The following TPH2 variants were observed in gnomAD, a reference collection of about 807,000 sequenced individuals.
TPH2 encodes the protein tryptophan 5-hydroxylase 2.
Under a neutral mutation model 59.1 loss-of-function variants are expected in TPH2, and 27 were observed. The ratio of observed to expected loss-of-function variants is 0.46; its 90% CI spans 0.34 to 0.63. TPH2 has a LOEUF of 0.63. TPH2 is among the 30% of genes least tolerant of loss of function. TPH2 has a pLI of 0.01. For synonymous variants in TPH2, 220 were observed against 210.5 expected (o/e 1.05, Z -0.39); for missense variants, 523 against 588.3 (o/e 0.89, Z 1.15).
intron 8 of TPH2, among the ~76,000 whole-genome samples, chr12:72,013,053 G>A (rs10879351): frequency 0.51 from 76,802 of 151,962 alleles, 19,861 homozygotes; most frequent in Middle Eastern, 0.6. Context: ...GCTGAAAATC[G>A]CCTATGTCGA....
intron 5 of TPH2, among the ~76,000 whole-genome samples, chr12:71,955,751 CTT>C (rs1871477151): frequency 6.6e-6 from 1 of 152,240 alleles, no homozygotes; most frequent in South Asian, 2.1e-4. Flanking sequence ...ATGATCTCTT[CTT>C]TTTGTCTGTC....
At chr12:71,961,994 C>T (rs574099019) in intron 5 of TPH2, 1 of 1,032,554 alleles carries the variant, frequency 9.7e-7, no homozygotes, top group South Asian at 3.6e-5. Flanking sequence ...TACGAAAATT[C>T]ATGTGTGCAA....
intron 5 of TPH2, among the ~76,000 whole-genome samples, chr12:71,957,677 C>T (rs915819286): frequency 2.6e-5 from 4 of 152,176 alleles, no homozygotes; most frequent in African/African-American, 9.7e-5. Context: ...GAATTTCAGG[C>T]TCCATAATGG....
At chr12:71,942,036 G>C (rs567149087) in intron 2 of TPH2, among the ~76,000 whole-genome samples, 2 of 152,126 alleles carry the variant, frequency 1.3e-5, no homozygotes, top group East Asian at 3.8e-4. Context: ...AAACACAAGA[G>C]CCAAACAGGG....
rs568787153 is a variant in TPH2 at position 71,975,998 on chromosome 12, C to T, written c.806-2954C>T. On this transcript the variant is annotated intron_variant, in intron 6 of 10. Transcript: ENST00000333850. The stretch of plus-strand genomic sequence containing the variant: ...CACCTCATAAATACTGTTGTATTTG[C>T]CCCCCAAATTAATATTCTTATGAGA... Among the ~76,000 whole-genome samples, 13 of 152,256 alleles carry T rather than the reference C, an allele frequency of 8.5e-5. No homozygotes were observed. In the South Asian group the frequency reaches 1.7e-3, roughly 19 times the overall value.
intron 9 of TPH2, among the ~76,000 whole-genome samples, chr12:72,028,398 G>T (rs146158004): frequency 1.3e-5 from 2 of 152,292 alleles, no homozygotes; most frequent in African/African-American, 4.8e-5. Flanking sequence ...GATAGAAAAT[G>T]AGAAGCAAAC....
At chr12:71,963,175 C>T (rs11179009) in intron 5 of TPH2, among the ~76,000 whole-genome samples, 12,069 of 50,982 alleles carry the variant, frequency 0.24, 5,383 homozygotes, top group East Asian at 0.7. Flanking sequence ...TTTTTTGCCC[C>T]GGGCATTACT....
chr12:72,015,723 G>C (rs966079488), intron 8 of TPH2, among the ~76,000 whole-genome samples: 6 of 151,994 alleles, frequency 3.9e-5, no homozygotes, highest in African/African-American at 1.5e-4. Flanking sequence ...TTATGACTTG[G>C]GCCCCTAACA....
intron 5 of TPH2, among the ~76,000 whole-genome samples, chr12:71,956,977 A>T (rs1227483792): frequency 6.6e-6 from 1 of 152,180 alleles, no homozygotes; most frequent in Non-Finnish European, 1.5e-5. Context: ...CTATCTGTAC[A>T]ACTAATCCCT....
intron 2 of TPH2, among the ~76,000 whole-genome samples, chr12:71,942,668 T>C (rs1871104713): frequency 6.6e-6 from 1 of 152,184 alleles, no homozygotes; most frequent in Non-Finnish European, 1.5e-5. Flanking sequence ...CGACATAATA[T>C]GAGTGAAAGT....
intron 5 of TPH2, among the ~76,000 whole-genome samples, chr12:71,953,026 A>T (rs771806378): frequency 1.2e-4 from 18 of 152,318 alleles, no homozygotes; most frequent in Admixed American, 3.3e-4. Flanking sequence ...AGCTCAAAAC[A>T]TTCTTGGAAG....
At chr12:71,941,223 G>A (rs1347730262) in intron 1 of TPH2, among the ~76,000 whole-genome samples, 1 of 151,990 alleles carries the variant, frequency 6.6e-6, no homozygotes, top group African/African-American at 2.4e-5. Flanking sequence ...AGGATTCAAC[G>A]AGGCTAAGAG....
chr12:71,988,405 C>T (rs1254453231), intron 7 of TPH2, among the ~76,000 whole-genome samples: 1 of 152,118 alleles, frequency 6.6e-6, no homozygotes, highest in African/African-American at 2.4e-5. Context: ...GCACAGGAAG[C>T]ATAGTGGCAT....
At chr12:71,999,571 A>G (rs924827020) in intron 8 of TPH2, among the ~76,000 whole-genome samples, 4 of 152,210 alleles carry the variant, frequency 2.6e-5, no homozygotes, top group African/African-American at 9.6e-5. Context: ...AGTGAATTTA[A>G]TAGATTAGTG....
chr12:72,002,133 C>T (rs1052389440), intron 8 of TPH2, among the ~76,000 whole-genome samples: 1 of 152,170 alleles, frequency 6.6e-6, no homozygotes, highest in Admixed American at 6.5e-5. Flanking sequence ...ATGCATGTCA[C>T]ATACAAATAC....
At chr12:72,002,224 A>G (rs745359591) in intron 8 of TPH2, among the ~76,000 whole-genome samples, 4 of 152,202 alleles carry the variant, frequency 2.6e-5, no homozygotes, top group Non-Finnish European at 5.9e-5. Flanking sequence ...GATAAATGCC[A>G]TGCAAAGAGG....
intron 1 of TPH2, among the ~76,000 whole-genome samples, chr12:71,939,539 G>A (rs540744218): frequency 2.0e-5 from 3 of 152,178 alleles, no homozygotes; most frequent in South Asian, 2.1e-4. Context: ...AGTTTACAAA[G>A]CCTGGTCTTT....
chr12:71,993,752 C>T (rs917752152), intron 7 of TPH2, among the ~76,000 whole-genome samples: 1 of 152,186 alleles, frequency 6.6e-6, no homozygotes, highest in Admixed American at 6.5e-5. Context: ...AATCCTCTGC[C>T]ATTACCCATT....
At chr12:72,029,631 G>A (rs1177373166) in intron 9 of TPH2, among the ~76,000 whole-genome samples, 1 of 152,130 alleles carries the variant, frequency 6.6e-6, no homozygotes, top group African/African-American at 2.4e-5. Flanking sequence ...AAATGCATTT[G>A]CAAGTGTAGT....
Sources: allele counts gnomAD v4.1 joint callset (sites outside exome capture counted in the v4.1 genomes callset), GRCh38; gene constraint gnomAD v4.1.1; transcripts MANE v1.5; gene names NCBI Gene and HGNC (gene_info 2026-07-23, HGNC 2026-07-21).